Variants in FBXL17 observed in about 807,000 individuals in gnomAD.
The protein encoded by FBXL17 is F-box/LRR-repeat protein 17.
Under a neutral mutation model 66.2 loss-of-function variants are expected in FBXL17, and 22 were observed. The observed-to-expected ratio is 0.33, with a 90% confidence interval of 0.24 to 0.47. FBXL17 has a LOEUF of 0.47. Ranked by LOEUF, FBXL17 falls within the 20% of genes least tolerant of loss-of-function variation. The pLI is 1.00. For synonymous variants in FBXL17, 474 were observed against 400.5 expected (o/e 1.18, Z -2.19); for missense variants, 878 against 948.2 (o/e 0.93, Z 0.97).
chr5:107,998,878 T>A (rs1195982972), intron 7 of FBXL17, among the ~76,000 whole-genome samples: 1 of 152,138 alleles, frequency 6.6e-6, no homozygotes, highest in African/African-American at 2.4e-5. Context: ...GAGTCTAAAC[T>A]CAGAGTTAAA....
chr5:107,985,295 T>C (rs567441445), intron 7 of FBXL17, among the ~76,000 whole-genome samples: 2 of 152,352 alleles, frequency 1.3e-5, no homozygotes, highest in South Asian at 2.1e-4. Flanking sequence ...GAAAGAATTA[T>C]ATGCACCTTC....
At chr5:108,185,068 C>A (rs1336345486) in intron 6 of FBXL17, among the ~76,000 whole-genome samples, 1 of 151,920 alleles carries the variant, frequency 6.6e-6, no homozygotes, top group Admixed American at 6.6e-5. Flanking sequence ...TTCCTTCCTG[C>A]AATATTTCAA....
At chr5:108,261,035 TA>T in intron 4 of FBXL17, among the ~76,000 whole-genome samples, 1 of 152,076 alleles carries the variant, frequency 6.6e-6, no homozygotes, top group Admixed American at 6.5e-5. Flanking sequence ...AAGAAATCAT[TA>T]AAAATAATGT....
At chr5:108,245,221 GA>G (rs1756041413) in intron 4 of FBXL17, among the ~76,000 whole-genome samples, 1 of 152,020 alleles carries the variant, frequency 6.6e-6, no homozygotes, top group African/African-American at 2.4e-5. Flanking sequence ...GCAAGAGCAC[GA>G]CCTTCAAAAA....
At chr5:108,170,266 G>A (rs1752557709) in intron 6 of FBXL17, among the ~76,000 whole-genome samples, 1 of 152,064 alleles carries the variant, frequency 6.6e-6, no homozygotes, top group African/African-American at 2.4e-5. Flanking sequence ...AATCATGGAG[G>A]AAATGCTCCC....
intron 4 of FBXL17, among the ~76,000 whole-genome samples, chr5:108,320,577 G>T (rs1399262718): frequency 6.6e-6 from 1 of 151,632 alleles, no homozygotes. Context: ...TACAAGTTAG[G>T]ACTTTAAATG....
intron 4 of FBXL17, among the ~76,000 whole-genome samples, chr5:108,271,915 G>A (rs1028416380): frequency 3.3e-5 from 5 of 152,120 alleles, no homozygotes; most frequent in Non-Finnish European, 5.9e-5. Context: ...TATTACCAGG[G>A]CAACAGGCCC....
At chr5:107,863,593 T>C (rs1484778935) in intron 8 of FBXL17, among the ~76,000 whole-genome samples, 4 of 141,844 alleles carry the variant, frequency 2.8e-5, no homozygotes, top group Non-Finnish European at 3.2e-5. Context: ...CTTATTATTG[T>C]ACTAAGTTTA....
rs190352918 is a variant in FBXL17 at position 108,180,738 on chromosome 5, C to A, written c.1745+5379G>T. On this transcript the variant is annotated intron_variant, in intron 6 of 8. Coordinates refer to ENST00000542267, the MANE Select transcript of FBXL17 (RefSeq NM_001163315.3). ...GCAATATAATTGATATTGACAACAA[C>A]CCTGGCCTTTGTTATGCTTTGTGAC... 2.0e-5 allele frequency among the ~76,000 whole-genome samples: 3 copies of A among 152,158 alleles called. No individual in the cohort carries two copies. In the East Asian group the frequency reaches 5.8e-4, roughly 29 times the overall value.
intron 7 of FBXL17, among the ~76,000 whole-genome samples, chr5:107,888,537 C>T (rs1455514521): frequency 6.6e-6 from 1 of 152,174 alleles, no homozygotes; most frequent in Non-Finnish European, 1.5e-5. Flanking sequence ...ATTCTCCCAA[C>T]AAGGATAATC....
intron 7 of FBXL17, among the ~76,000 whole-genome samples, chr5:107,922,743 G>A (rs1561322440): frequency 6.6e-6 from 1 of 152,164 alleles, no homozygotes; most frequent in Non-Finnish European, 1.5e-5. Context: ...ACCAGAGTGA[G>A]GTTAATATAA....
intron 5 of FBXL17, among the ~76,000 whole-genome samples, chr5:108,189,024 C>T (rs1251009273): frequency 6.6e-6 from 1 of 152,108 alleles, no homozygotes. Context: ...GTGGTGGGCA[C>T]AGAAATTGAA....
At chr5:108,320,448 A>G (rs1186828278) in intron 4 of FBXL17, among the ~76,000 whole-genome samples, 1 of 151,404 alleles carries the variant, frequency 6.6e-6, no homozygotes, top group South Asian at 2.1e-4. Flanking sequence ...GAAAGCATCC[A>G]AAAAAAAATT....
rs531968737 is a variant in FBXL17, at chr5:108,345,868, G to A, written c.1506+2531C>T. 1.2e-4 allele frequency among the ~76,000 whole-genome samples: 18 copies of A among 152,188 alleles called. No individual in the cohort carries two copies. In the East Asian group the frequency reaches 2.5e-3, roughly 21 times the overall value. On this transcript the variant is annotated intron_variant, in intron 4 of 8. Coordinates refer to ENST00000542267, the MANE Select transcript of FBXL17 (RefSeq NM_001163315.3). Reference sequence around the variant, plus strand: ...AAAGTTTATATGAAAACTATGCTATGATTATTTTTAGACTCTGCAATTAAG... The same window carrying A: ...AAAGTTTATATGAAAACTATGCTATAATTATTTTTAGACTCTGCAATTAAG...
At chr5:107,965,280 A>G (rs748122117) in intron 7 of FBXL17, among the ~76,000 whole-genome samples, 39 of 152,290 alleles carry the variant, frequency 2.6e-4, no homozygotes, top group South Asian at 1.9e-3. Flanking sequence ...ATGACTATTC[A>G]AAAGCAGTTT....
At chr5:108,334,570 G>C (rs1214839073) in intron 4 of FBXL17, among the ~76,000 whole-genome samples, 1 of 152,194 alleles carries the variant, frequency 6.6e-6, no homozygotes, top group Non-Finnish European at 1.5e-5. Flanking sequence ...GAGGGTTAGG[G>C]TACCAATGAC....
At chr5:108,149,993 A>C (rs1454387933) in intron 6 of FBXL17, among the ~76,000 whole-genome samples, 1 of 152,216 alleles carries the variant, frequency 6.6e-6, no homozygotes, top group East Asian at 1.9e-4. Flanking sequence ...AAAAAGAAAG[A>C]GTAGAATGTA....
intron 4 of FBXL17, among the ~76,000 whole-genome samples, chr5:108,319,550 T>C (rs1163086690): frequency 1.3e-5 from 2 of 151,822 alleles, no homozygotes; most frequent in East Asian, 1.9e-4. Context: ...TCAGTTAAAA[T>C]ACTACTTTCA....
intron 6 of FBXL17, among the ~76,000 whole-genome samples, chr5:108,184,983 A>G (rs1753168972): frequency 6.6e-6 from 1 of 152,198 alleles, no homozygotes; most frequent in Admixed American, 6.5e-5. Flanking sequence ...AAATCTACCT[A>G]ATCAGTAGTG....
Sources: gnomAD v4.1 joint callset for allele counts (sites outside exome capture counted in the v4.1 genomes callset) on GRCh38, gnomAD v4.1.1 for gene constraint, MANE v1.5 for transcripts, NCBI Gene and HGNC (gene_info 2026-07-23, HGNC 2026-07-21) for gene names.